The following GREM2 variants were observed in gnomAD, a reference collection of about 807,000 sequenced individuals.
The protein encoded by GREM2 is gremlin-2.
Under a neutral mutation model 14.2 loss-of-function variants are expected in GREM2, and 11 were observed. The ratio of observed to expected loss-of-function variants is 0.78; its 90% CI spans 0.49 to 1.28. The LOEUF is 1.28. Ranked by LOEUF, GREM2 falls within the 50% of genes most tolerant of loss-of-function variation. GREM2 has a pLI of 0.00. For synonymous variants in GREM2, 98 were observed against 97.6 expected (o/e 1.00, Z -0.02); for missense variants, 210 against 218.5 (o/e 0.96, Z 0.24).
At chr1:240,602,443 T>C (rs1679942291) in intron 1 of GREM2, among the ~76,000 whole-genome samples, 1 of 152,196 alleles carries the variant, frequency 6.6e-6, no homozygotes, top group Non-Finnish European at 1.5e-5. Flanking sequence ...ATTCATTTAT[T>C]CACCAAACAC....
chr1:240,513,992 TC>T (rs1677894674), intron 1 of GREM2, among the ~76,000 whole-genome samples: 1 of 152,006 alleles, frequency 6.6e-6, no homozygotes, highest in African/African-American at 2.4e-5. Flanking sequence ...ATGCATGTAA[TC>T]CCAGCACTTT....
intron 1 of GREM2, among the ~76,000 whole-genome samples, chr1:240,567,152 AAC>A (rs1294700911): frequency 6.6e-6 from 1 of 152,178 alleles, no homozygotes; most frequent in African/African-American, 2.4e-5. Context: ...TTTAAAAAGA[AAC>A]ACAGAGAAAA....
chr1:240,554,488 T>C (rs547694134), intron 1 of GREM2, among the ~76,000 whole-genome samples: 1 of 152,250 alleles, frequency 6.6e-6, no homozygotes, highest in East Asian at 1.9e-4. Flanking sequence ...ACATATTTTT[T>C]GGTGGAGCCT....
At position 240,562,795 on chromosome 1, in the gene GREM2, A is replaced by G. The variant is rs117696850; in HGVS notation, c.-2+49089T>C. Among the ~76,000 whole-genome samples the G allele has an allele frequency of 1.6e-3, 244 of 149,544 alleles. 6 individuals carry two copies. The East Asian group carries it at 0.032, about 20-fold the overall frequency. On this transcript the variant is annotated intron_variant, in intron 1 of 1. Transcript: ENST00000318160. ...TGTGTGTATGAGTGTGTATGTGTGTATGTGAGTGTGTATGTGTGTATTGTG... is the reference window on the plus strand; with the variant it reads ...TGTGTGTATGAGTGTGTATGTGTGTGTGTGAGTGTGTATGTGTGTATTGTG...
At chr1:240,556,595 T>C (rs1678954818) in intron 1 of GREM2, among the ~76,000 whole-genome samples, 1 of 151,616 alleles carries the variant, frequency 6.6e-6, no homozygotes, top group African/African-American at 2.4e-5. Flanking sequence ...AAGAGAAATA[T>C]TGAGGCAGAA....
intron 1 of GREM2, among the ~76,000 whole-genome samples, chr1:240,575,624 G>C (rs191554771): frequency 6.6e-6 from 1 of 151,648 alleles, no homozygotes; most frequent in African/African-American, 2.4e-5. Context: ...GGGTTCAAGC[G>C]ATTCTCCTGA....
intron 1 of GREM2, among the ~76,000 whole-genome samples, chr1:240,498,719 G>A (rs1572364061): frequency 6.6e-6 from 1 of 152,182 alleles, no homozygotes; most frequent in East Asian, 1.9e-4. Context: ...AAAATGGTTG[G>A]CACACAATTA....
At chr1:240,552,965 T>A (rs1279919003) in intron 1 of GREM2, among the ~76,000 whole-genome samples, 2 of 152,218 alleles carry the variant, frequency 1.3e-5, no homozygotes, top group Non-Finnish European at 2.9e-5. Flanking sequence ...CCCCTTTCTT[T>A]TACATTACTT....
chr1:240,603,465 CTCTCCCATCCA>C lies in GREM2; in HGVS notation c.-2+8408_-2+8418del, dbSNP rs545104003. ...CAACTCCATATCTGAGGCATGGCTC[CTCTCCCATCCA>C]TCTCCCATCCATCTCCCATCCATCT... On this transcript the variant is annotated intron_variant, in intron 1 of 1. Coordinates refer to ENST00000318160, the MANE Select transcript of GREM2 (RefSeq NM_022469.4). 6.1e-3 allele frequency among the ~76,000 whole-genome samples: 926 copies of C among 151,924 alleles called. 1 individual carries two copies. The highest frequency in any genetic ancestry group is 7.8e-3 in the African/African-American group (322 of 41,404).
intron 1 of GREM2, among the ~76,000 whole-genome samples, chr1:240,536,930 C>A (rs148708712): frequency 7.1e-4 from 108 of 152,248 alleles, no homozygotes; most frequent in African/African-American, 2.0e-3. Context: ...AGAATCCAAG[C>A]AAAGCAAGAA....
At chr1:240,499,271 T>C (rs768881977) in intron 1 of GREM2, among the ~76,000 whole-genome samples, 2 of 152,120 alleles carry the variant, frequency 1.3e-5, no homozygotes, top group Non-Finnish European at 2.9e-5. Flanking sequence ...ACTCCAAGAG[T>C]GGCCTTCTTG....
Position 240,540,295 on chromosome 1 carries a change from T to A in GREM2, c.-1-46819A>T, listed in dbSNP as rs1251967788. 6.6e-6 allele frequency among the ~76,000 whole-genome samples: 1 copy of A among 152,136 alleles called. No individual in the cohort carries two copies. The highest frequency in any genetic ancestry group is 1.5e-5 in the Non-Finnish European group (1 of 68,030). On this transcript the variant is annotated intron_variant, in intron 1 of 1. Coordinates refer to ENST00000318160, the MANE Select transcript of GREM2 (RefSeq NM_022469.4). The surrounding 1 kb of genome is among the most constrained non-coding windows in gnomAD (Gnocchi z 4.2). Reference sequence around the variant, plus strand: ...CTAATTTTCTTTGTCTAGACTAACTTATTGCATTGAAGAGCTCCTTCTCCA... The same window carrying A: ...CTAATTTTCTTTGTCTAGACTAACTAATTGCATTGAAGAGCTCCTTCTCCA...
intron 1 of GREM2, among the ~76,000 whole-genome samples, chr1:240,507,317 TTCCC>T (rs953925138): frequency 2.3e-5 from 3 of 131,904 alleles, no homozygotes; most frequent in South Asian, 2.8e-4. Context: ...TCCTTCCTCC[TTCCC>T]TCCCTCCCTC....
intron 1 of GREM2, among the ~76,000 whole-genome samples, chr1:240,514,232 A>T (rs939877972): frequency 7.0e-6 from 1 of 142,464 alleles, no homozygotes; most frequent in Non-Finnish European, 1.5e-5. Flanking sequence ...GGGCAACAAT[A>T]GCGAGATTCC....
intron 1 of GREM2, among the ~76,000 whole-genome samples, chr1:240,519,743 A>G (rs1285606391): frequency 6.6e-6 from 1 of 152,116 alleles, no homozygotes; most frequent in Admixed American, 6.6e-5. Flanking sequence ...CTTCCACAAA[A>G]GATATATAAA....
intron 1 of GREM2, among the ~76,000 whole-genome samples, chr1:240,562,022 G>T (rs1679050147): frequency 6.6e-6 from 1 of 152,082 alleles, no homozygotes; most frequent in Non-Finnish European, 1.5e-5. Context: ...GGCTGATGAA[G>T]AATTGACTAA....
rs1165058521 is a variant in GREM2 at position 240,612,041 on chromosome 1, C to G, written c.-159G>C. 1.3e-5 allele frequency: 2 copies of G among 152,728 alleles called. No individual in the cohort carries two copies. The highest frequency in any genetic ancestry group is 2.4e-5 in the African/African-American group (1 of 41,460). The allele number at this position is 152,728 out of a possible 1,614,324, so 9.5% of individuals were successfully genotyped here. On this transcript the variant is annotated 5_prime_UTR_variant, in exon 1 of 2. Coordinates refer to ENST00000318160, the MANE Select transcript of GREM2 (RefSeq NM_022469.4). ...ACCGCAGCCAGACTGCAGCAGACGC[C>G]CATAAGAGAAGCGCGCCGGCTGAGG...
At chr1:240,534,031 A>G (rs555703212) in intron 1 of GREM2, among the ~76,000 whole-genome samples, 14 of 152,350 alleles carry the variant, frequency 9.2e-5, no homozygotes, top group African/African-American at 3.1e-4. Flanking sequence ...ACTTGAATCA[A>G]ACGTGGAAAA....
chr1:240,606,708 C>T (rs1482987818), intron 1 of GREM2, among the ~76,000 whole-genome samples: 21 of 121,012 alleles, frequency 1.7e-4, no homozygotes, highest in African/African-American at 3.9e-4. Flanking sequence ...GGTGGAGTTT[C>T]GCTCCTGTTG....
Sources: gnomAD v4.1 joint callset for allele counts (sites outside exome capture counted in the v4.1 genomes callset) on GRCh38, gnomAD v4.1.1 for gene constraint, Gnocchi (gnomAD v3.1) non-coding constraint, MANE v1.5 for transcripts, NCBI Gene and HGNC (gene_info 2026-07-23, HGNC 2026-07-21) for gene names.